MX1: variants seen among roughly 807,000 people sequenced by gnomAD.
MX1 encodes MX dynamin like GTPase 1.
In MX1, 66 loss-of-function variants were observed where a neutral mutation model predicts 66.4. The observed-to-expected ratio is 0.99, with a 90% confidence interval of 0.82 to 1.22. The LOEUF is 1.22. Ranked by LOEUF, MX1 falls within the 50% of genes most tolerant of loss-of-function variation. The pLI is 0.00. For missense variants in MX1, 787 were observed against 834.3 expected (o/e 0.94, Z 0.70); for synonymous variants, 311 against 318.1 (o/e 0.98, Z 0.24).
intron 16 of MX1, among the ~76,000 whole-genome samples, chr21:41,454,575 T>G (rs2090914997): frequency 6.6e-6 from 1 of 152,236 alleles, no homozygotes; most frequent in Non-Finnish European, 1.5e-5. Context: ...AGCATTGGAA[T>G]GCAATGGTAG....
upstream of MX1, among the ~76,000 whole-genome samples, chr21:41,424,793 C>A (rs938443255): frequency 6.6e-6 from 1 of 152,186 alleles, no homozygotes; most frequent in African/African-American, 2.4e-5. Context: ...ACTTTTAATT[C>A]GGGCCAACAG....
chr21:41,453,881 C>T (rs891283284), intron 16 of MX1, among the ~76,000 whole-genome samples: 1 of 128,978 alleles, frequency 7.8e-6, no homozygotes. Context: ...ACAAACTTGA[C>T]ATCAATAGAA....
intron 16 of MX1, among the ~76,000 whole-genome samples, chr21:41,455,288 G>A (rs978992028): frequency 1.5e-4 from 23 of 152,268 alleles, no homozygotes; most frequent in African/African-American, 5.3e-4. Flanking sequence ...GCTCTAAACC[G>A]AGGGTCAACA....
chr21:41,438,908 TAGTC>T (rs369750413), intron 7 of MX1, among the ~76,000 whole-genome samples: 19 of 152,118 alleles, frequency 1.2e-4, no homozygotes, highest in African/African-American at 4.6e-4. Context: ...CCCCGTGACT[TAGTC>T]AGCAAGTCCG....
rs939856206 is a variant in MX1 at position 41,446,246 on chromosome 21, A to G, written c.1273+105A>G. The G allele has an allele frequency of 4.5e-5, 49 of 1,092,902 alleles. No individual in the cohort carries two copies. In the Admixed American group the frequency reaches 1.1e-3, roughly 24 times the overall value. The allele number at this position is 1,092,902 out of a possible 1,614,324, so 67.7% of individuals were successfully genotyped here. ...TTGCTCATTGTTCTGGAGGTGAGAA[A>G]TCTATTCTTAAGGAATCAGGAAATT... On this transcript the variant is annotated intron_variant, in intron 13 of 16. Coordinates refer to ENST00000398598, the MANE Select transcript of MX1 (RefSeq NM_002462.5).
intron 6 of MX1, among the ~76,000 whole-genome samples, 190 bp downstream of exon 6, chr21:41,436,219 C>A (rs774365803): frequency 8.5e-5 from 13 of 152,244 alleles, no homozygotes; most frequent in Admixed American, 3.9e-4. Context: ...CTCCCCCATG[C>A]GGCCTTCCTT....
intron 14 of MX1, chr21:41,450,933 G>T (rs1469510243): frequency 4.1e-6 from 1 of 243,464 alleles, no homozygotes; most frequent in African/African-American, 2.3e-5. Context: ...AGCTATTTAG[G>T]ATAAAAAGTT....
At chr21:41,439,613 A>G in intron 7 of MX1, 81 bp from the exon 8 acceptor site, 3 of 1,341,228 alleles carry the variant, frequency 2.2e-6, no homozygotes, top group Non-Finnish European at 3.2e-6. Flanking sequence ...AGAGGAGAAG[A>G]TGCTTTCAGA....
chr21:41,456,952 G>A (rs528650439), intron 16 of MX1, among the ~76,000 whole-genome samples: 24 of 152,186 alleles, frequency 1.6e-4, no homozygotes, highest in Non-Finnish European at 3.4e-4. Context: ...AGTAGAGACG[G>A]GGTTTCACCA....
upstream of MX1, chr21:41,422,980 A>T (rs1019104640): frequency 6.6e-6 from 1 of 152,306 alleles, no homozygotes; most frequent in Admixed American, 6.5e-5. Context: ...AGCTCCCAAG[A>T]GGGTGGCGGG....
chr21:41,424,532 C>G (rs940102977), upstream of MX1, among the ~76,000 whole-genome samples: 5 of 152,250 alleles, frequency 3.3e-5, no homozygotes, highest in East Asian at 5.8e-4. Context: ...GGTGACCCTT[C>G]CTAATCATGG....
chr21:41,425,054 G>A (rs1183228953), upstream of MX1, among the ~76,000 whole-genome samples: 1 of 152,218 alleles, frequency 6.6e-6, no homozygotes, highest in African/African-American at 2.4e-5. Flanking sequence ...TCTGCAACTT[G>A]TTACAATGCT....
chr21:41,430,916 G>C (rs557680233), intron 4 of MX1, among the ~76,000 whole-genome samples: 3 of 152,264 alleles, frequency 2.0e-5, no homozygotes, highest in African/African-American at 7.2e-5. Flanking sequence ...TAGAGCTCAC[G>C]TGTTTTTTAA....
At position 41,435,707 on chromosome 21, in the gene MX1, C is replaced by G. The variant is rs1005989730; in HGVS notation, c.106-130C>G. 4.9e-6 allele frequency: 5 copies of G among 1,020,314 alleles called. 1 individual carries two copies. Among genetic ancestry groups the G allele is most frequent in the South Asian group, 4.8e-5 (3 of 63,148 alleles). The allele number at this position is 1,020,314 out of a possible 1,614,324, so 63.2% of individuals were successfully genotyped here. A position where few individuals can be genotyped will look rare whatever the true frequency, so the allele number is the denominator to read the frequency against. On this transcript the variant is annotated intron_variant, in intron 5 of 16. Coordinates refer to ENST00000398598, the MANE Select transcript of MX1 (RefSeq NM_002462.5). ...CACAATCCAATTACCTCCACCTGGTCTCTCCCTTGACACGTAGGGATTATG... is the reference window on the plus strand; with the variant it reads ...CACAATCCAATTACCTCCACCTGGTGTCTCCCTTGACACGTAGGGATTATG...
intron 7 of MX1, 78 bp from the exon 8 acceptor site, chr21:41,439,616 C>A: frequency 7.3e-7 from 1 of 1,371,426 alleles, no homozygotes; most frequent in South Asian, 1.2e-5. Context: ...GGAGAAGATG[C>A]TTTCAGAGTA....
intron 7 of MX1, among the ~76,000 whole-genome samples, chr21:41,438,954 A>T (rs1009566487): frequency 6.6e-6 from 1 of 152,250 alleles, no homozygotes; most frequent in African/African-American, 2.4e-5. Context: ...GGCAAGGGGC[A>T]TATCTCTGCC....
chr21:41,456,747 G>A (rs1391448215), intron 16 of MX1, among the ~76,000 whole-genome samples: 1 of 144,014 alleles, frequency 6.9e-6, no homozygotes, highest in Non-Finnish European at 1.5e-5. Context: ...CACTAAAGTT[G>A]TTGGTTTTTT....
At chr21:41,434,294 T>A (rs2090301711) in intron 5 of MX1, among the ~76,000 whole-genome samples, 1 of 152,232 alleles carries the variant, frequency 6.6e-6, no homozygotes, top group Non-Finnish European at 1.5e-5. Flanking sequence ...TGAAGTCTGC[T>A]GCTTTCTCTG....
At chr21:41,458,483 CACAGT>C (rs768354137) in intron 16 of MX1, 40 bp from the exon 17 acceptor site, 43 of 1,609,440 alleles carry the variant, frequency 2.7e-5, no homozygotes, top group Admixed American at 1.2e-4. Context: ...GTCCCCTCCT[CACAGT>C]GTCCCCTCCA....
Sources: gnomAD v4.1 joint callset for allele counts (sites outside exome capture counted in the v4.1 genomes callset) on GRCh38, gnomAD v4.1.1 for gene constraint, MANE v1.5 for transcripts, NCBI Gene and HGNC (gene_info 2026-07-23, HGNC 2026-07-21) for gene names.